Variants in USP49 observed in about 807,000 individuals in gnomAD.
USP49 encodes ubiquitin carboxyl-terminal hydrolase 49.
In USP49, 24 loss-of-function variants were observed where a neutral mutation model predicts 58.6. The ratio of observed to expected loss-of-function variants is 0.41; its 90% CI spans 0.30 to 0.58. USP49 has a LOEUF of 0.58. Ranked by LOEUF, USP49 falls within the 20% of genes least tolerant of loss-of-function variation. The pLI is 0.30. For synonymous variants in USP49, 408 were observed against 365.1 expected (o/e 1.12, Z -1.34); for missense variants, 703 against 866.1 (o/e 0.81, Z 2.36).
intron 3 of USP49, among the ~76,000 whole-genome samples, chr6:41,812,511 G>A (rs1773276268): frequency 6.6e-6 from 1 of 151,728 alleles, no homozygotes; most frequent in Admixed American, 6.6e-5. Flanking sequence ...GGATAACACG[G>A]TGAAACCCCG....
chr6:41,874,992 G>C (rs1436719568), intron 2 of USP49, among the ~76,000 whole-genome samples: 1 of 151,868 alleles, frequency 6.6e-6, no homozygotes, highest in East Asian at 1.9e-4. Context: ...GAGAAAGAAA[G>C]AAAGAGAGAG....
chr6:41,833,678 A>G (rs1773675186), intron 3 of USP49, among the ~76,000 whole-genome samples: 1 of 152,254 alleles, frequency 6.6e-6, no homozygotes, highest in African/African-American at 2.4e-5. Flanking sequence ...GGGTAAAAAT[A>G]TAGGTTAAAA....
rs576336658 is a variant in USP49 at position 41,826,140 on chromosome 6, C to G, written c.-28-19129G>C. ...GTTATCTGGGCATGGTGGCATGCAC[C>G]TGTAGTCCCAGCTACTCAGGAGGCT... is the stretch of plus-strand genomic sequence containing the variant. On this transcript the variant is annotated intron_variant, in intron 3 of 7. Transcript: ENST00000682992. Among the ~76,000 whole-genome samples the G allele has an allele frequency of 7.2e-5, 11 of 152,240 alleles. No homozygotes were observed. The East Asian group carries it at 2.1e-3, about 29-fold the overall frequency.
chr6:41,862,830 A>G (rs924219671), intron 3 of USP49, among the ~76,000 whole-genome samples: 3 of 152,112 alleles, frequency 2.0e-5, no homozygotes, highest in Admixed American at 1.3e-4. Context: ...CTGGAGTGCA[A>G]TGGTGTGATC....
chr6:41,805,558 G>C, intron 4 of USP49, 70 bp downstream of exon 4: 1 of 1,497,098 alleles, frequency 6.7e-7, no homozygotes, highest in South Asian at 1.3e-5. Flanking sequence ...CCAATAACCC[G>C]GGGAAGGCAC....
At chr6:41,832,987 C>T (rs1377747085) in intron 3 of USP49, 1 of 151,700 alleles carries the variant, frequency 6.6e-6, no homozygotes, top group Non-Finnish European at 1.5e-5. Context: ...TTTCTATTGA[C>T]ACAGTATTTC....
At chr6:41,883,482 C>T (rs1774651003) in intron 2 of USP49, among the ~76,000 whole-genome samples, 1 of 151,302 alleles carries the variant, frequency 6.6e-6, no homozygotes, top group South Asian at 2.1e-4. Flanking sequence ...CATGGTGAAA[C>T]CCCATCTCTA....
At chr6:41,844,086 T>C (rs1414031358) in intron 3 of USP49, among the ~76,000 whole-genome samples, 4 of 151,642 alleles carry the variant, frequency 2.6e-5, no homozygotes, top group Admixed American at 1.3e-4. Context: ...CCAGGCATGG[T>C]GGTGTGCCCA....
chr6:41,880,370 ATTGG>A (rs370579407), intron 2 of USP49, among the ~76,000 whole-genome samples: 17 of 152,154 alleles, frequency 1.1e-4, no homozygotes, highest in African/African-American at 4.1e-4. Flanking sequence ...AAAGGAAGAG[ATTGG>A]TTAGAATTTA....
At position 41,794,328 on chromosome 6, in the gene USP49, T is replaced by C. The variant is rs1020294522; in HGVS notation, c.*2205A>G. 4 of 152,258 alleles carry C rather than the reference T, an allele frequency of 2.6e-5. No individual in the cohort carries two copies. Among genetic ancestry groups the C allele is most frequent in the African/African-American group, 9.6e-5 (4 of 41,470 alleles). 9.4% of individuals were successfully genotyped at this position (152,258 alleles called of 1,614,324 possible). A position where few individuals can be genotyped will look rare whatever the true frequency, so the allele number is the denominator to read the frequency against. ...CTTAATAAATCCTTATAATATTTGG[T>C]ATAAAACTATTTTTAAAAATTAAAT... On this transcript the variant is annotated 3_prime_UTR_variant, in exon 8 of 8. Coordinates refer to ENST00000682992, the MANE Select transcript of USP49 (RefSeq NM_001286554.2).
intron 2 of USP49, among the ~76,000 whole-genome samples, chr6:41,883,710 G>A (rs1178859200): frequency 6.6e-6 from 1 of 152,134 alleles, no homozygotes; most frequent in African/African-American, 2.4e-5. Flanking sequence ...ATAATACCAA[G>A]TGTTGGGAGG....
chr6:41,806,676 C>G lies in USP49; in HGVS notation c.308G>C (p.Arg103Pro), dbSNP rs978575130. ...KLLRSSLLAV[R>P]GQKQDTPVRR... Reference sequence around the variant, plus strand: ...CACCGGCGTGTCCTGTTTCTGGCCCCGGACCGCCAGGAGGGAGCTTCTTAG... The same window carrying G: ...CACCGGCGTGTCCTGTTTCTGGCCCGGGACCGCCAGGAGGGAGCTTCTTAG... The change falls in exon 4 of 8, where the codon CGG (arginine) becomes CCG (proline). Residue 103 changes from arginine (R) to proline (P), a missense_variant. Physicochemically the swap from Arg to Pro is moderately radical, Grantham distance 103. Coordinates refer to ENST00000682992, the MANE Select transcript of USP49 (RefSeq NM_001286554.2). The surrounding 1 kb of genome is among the most constrained non-coding windows in gnomAD (Gnocchi z 5.9). 1.9e-6 allele frequency: 3 copies of G among 1,614,150 alleles called. No homozygotes were observed. Among genetic ancestry groups the G allele is most frequent in the Non-Finnish European group, 2.5e-6 (3 of 1,180,046 alleles).
At chr6:41,849,915 T>A (rs1055965806) in intron 3 of USP49, among the ~76,000 whole-genome samples, 8 of 152,188 alleles carry the variant, frequency 5.3e-5, no homozygotes, top group Admixed American at 2.6e-4. Context: ...CAAAGTATCT[T>A]TTCTAATGAC....
chr6:41,845,178 G>A (rs1290579634), intron 3 of USP49, among the ~76,000 whole-genome samples: 1 of 152,050 alleles, frequency 6.6e-6, no homozygotes, highest in Non-Finnish European at 1.5e-5. Flanking sequence ...TGGGATAAGA[G>A]GTGTGAGCCA....
chr6:41,854,100 T>A (rs1192876479), intron 3 of USP49, among the ~76,000 whole-genome samples: 1 of 150,668 alleles, frequency 6.6e-6, no homozygotes, highest in South Asian at 2.1e-4. Context: ...GTGGATCACC[T>A]GAGGTCAGGA....
chr6:41,861,675 T>C (rs760997798), intron 3 of USP49, among the ~76,000 whole-genome samples: 5 of 152,076 alleles, frequency 3.3e-5, no homozygotes, highest in Non-Finnish European at 5.9e-5. Flanking sequence ...ATATATCTTA[T>C]ACATTTTCCC....
chr6:41,800,200 A>T (rs1772973960), intron 5 of USP49, among the ~76,000 whole-genome samples: 1 of 152,192 alleles, frequency 6.6e-6, no homozygotes, highest in African/African-American at 2.4e-5. Flanking sequence ...CTCAGTTGTA[A>T]GGCACATCCC....
At chr6:41,860,800 G>A (rs550735995) in intron 3 of USP49, among the ~76,000 whole-genome samples, 7 of 152,064 alleles carry the variant, frequency 4.6e-5, no homozygotes, top group East Asian at 1.9e-4. Context: ...GTGAGCCACC[G>A]CGCCCGGCAG....
In USP49 at chr6:41,802,483, T is replaced by A. The variant is rs191455399; in HGVS notation, c.1561+1323A>T. ...TTATTTATTTATTTTTTATTTATTT[T>A]TTTTTTTTGAGACAGCATCTCGCTC... On this transcript the variant is annotated intron_variant, in intron 5 of 7. Transcript: ENST00000682992. Among the ~76,000 whole-genome samples, 359 of 126,484 alleles carry A rather than the reference T, an allele frequency of 2.8e-3. 20 individuals carry two copies. In the East Asian group the frequency reaches 0.06, roughly 21 times the overall value. 83.0% of individuals were successfully genotyped at this position (126,484 alleles called of 152,430 possible).
Sources: allele counts gnomAD v4.1 joint callset (sites outside exome capture counted in the v4.1 genomes callset), GRCh38; gene constraint gnomAD v4.1.1; non-coding constraint Gnocchi (gnomAD v3.1); transcripts MANE v1.5; gene names NCBI Gene and HGNC (gene_info 2026-07-23, HGNC 2026-07-21).